DOK6: variants seen among roughly 807,000 people sequenced by gnomAD.
DOK6 encodes the protein docking protein 6.
Under a neutral mutation model 44.0 loss-of-function variants are expected in DOK6, and 22 were observed. That is an observed-to-expected ratio of 0.50 (90% CI 0.36 to 0.71). The LOEUF (loss-of-function observed/expected upper bound fraction) is 0.71, where lower values mean the gene tolerates loss of function less well. Ranked by LOEUF, DOK6 falls within the 30% of genes least tolerant of loss-of-function variation. The pLI is 0.00. For synonymous variants in DOK6, 166 were observed against 145.5 expected, an observed-to-expected ratio of 1.14 and a Z score of -1.01; for missense variants, 340 against 416.4, an observed-to-expected ratio of 0.82 and a Z score of 1.60.
Position 69,716,692 on chromosome 18 carries a change from C to CAAAA in DOK6, c.599+18117_599+18120dup, listed in dbSNP as rs11351701. On this transcript the variant is annotated intron_variant, in intron 5 of 7. Coordinates refer to ENST00000382713, the MANE Select transcript of DOK6 (RefSeq NM_152721.6). The stretch of plus-strand genomic sequence containing the variant: ...GATAACAGATTCTCTGCAGAATTGA[C>CAAAA]AAAAAAAAAAAAAAAAAAAAAGTCT... Among the ~76,000 whole-genome samples the CAAAA allele has an allele frequency of 7.7e-4, 81 of 104,728 alleles. 2 individuals are homozygous for CAAAA. Among genetic ancestry groups the CAAAA allele is most frequent in the African/African-American group, 1.0e-3 (29 of 27,724 alleles). 68.7% of individuals were successfully genotyped at this position (104,728 alleles called of 152,430 possible).
rs1395890740 is a variant in DOK6, at chr18:69,849,036, T to C, written c.*7653T>C. On this transcript the variant is annotated 3_prime_UTR_variant, in exon 8 of 8. Coordinates refer to ENST00000382713, the MANE Select transcript of DOK6 (RefSeq NM_152721.6). ...AAAATGTTACTTATTCCTTCACTTATTAGCTTGCTATTTTGAAAATAAAGT... is the reference window on the plus strand; with the variant it reads ...AAAATGTTACTTATTCCTTCACTTACTAGCTTGCTATTTTGAAAATAAAGT... 1 of 152,258 alleles carries C rather than the reference T, an allele frequency of 6.6e-6. No individual in the cohort carries two copies. The highest frequency in any genetic ancestry group is 6.5e-5 in the Admixed American group (1 of 15,282). 9.4% of individuals were successfully genotyped at this position (152,258 alleles called of 1,614,324 possible).
At chr18:69,812,220 G>T (rs563275465) in intron 7 of DOK6, among the ~76,000 whole-genome samples, 16 of 152,010 alleles carry the variant, frequency 1.1e-4, no homozygotes, top group Non-Finnish European at 1.9e-4. Flanking sequence ...CATGTTTGTT[G>T]TTCCAGAGTT....
intron 2 of DOK6, among the ~76,000 whole-genome samples, chr18:69,596,922 C>T (rs4624297): frequency 0.33 from 49,449 of 151,626 alleles, 8,558 homozygotes; most frequent in Middle Eastern, 0.51. Context: ...AAAGTTGTAT[C>T]GACTATGGAA....
At chr18:69,476,650 T>C (rs1980274073) in intron 1 of DOK6, among the ~76,000 whole-genome samples, 1 of 152,196 alleles carries the variant, frequency 6.6e-6, no homozygotes, top group South Asian at 2.1e-4. Flanking sequence ...GTGACCCTCA[T>C]TGGAGTTGAC....
chr18:69,571,486 C>T (rs1415364718), intron 2 of DOK6, among the ~76,000 whole-genome samples: 2 of 151,762 alleles, frequency 1.3e-5, no homozygotes, highest in Admixed American at 1.3e-4. Context: ...AGGCTGTCTA[C>T]AAAAGATGCA....
chr18:69,503,901 C>T (rs1599162572), intron 1 of DOK6, among the ~76,000 whole-genome samples: 1 of 151,984 alleles, frequency 6.6e-6, no homozygotes, highest in African/African-American at 2.4e-5. Context: ...TCGTAGGTCT[C>T]AAACATTGTT....
At chr18:69,625,708 A>G (rs554001829) in intron 3 of DOK6, among the ~76,000 whole-genome samples, 2 of 152,348 alleles carry the variant, frequency 1.3e-5, no homozygotes, top group East Asian at 1.9e-4. Flanking sequence ...TGTTCTTACT[A>G]TTTATTGTAT....
intron 3 of DOK6, among the ~76,000 whole-genome samples, chr18:69,653,915 A>G (rs1369059453): frequency 6.6e-6 from 1 of 152,226 alleles, no homozygotes; most frequent in East Asian, 1.9e-4. Flanking sequence ...GAGAAAAAAA[A>G]TGGTTAATAG....
rs938027431 is a variant in DOK6 at position 69,431,136 on chromosome 18, A to G, written c.66+29826A>G. ...GAGTTCTCACCAAACTAAGGAAAAG[A>G]GATAGTTATTGCAGCGTCTAGGGAG... On this transcript the variant is annotated intron_variant, in intron 1 of 7. Transcript: ENST00000382713. 3.9e-5 allele frequency among the ~76,000 whole-genome samples: 6 copies of G among 152,320 alleles called. No individual in the cohort carries two copies. In the East Asian group the frequency reaches 7.7e-4, roughly 20 times the overall value.
At chr18:69,794,217 C>G (rs1980679604) in intron 7 of DOK6, among the ~76,000 whole-genome samples, 1 of 152,090 alleles carries the variant, frequency 6.6e-6, no homozygotes, top group African/African-American at 2.4e-5. Flanking sequence ...CCAAGCATCC[C>G]CAGTACTGTT....
chr18:69,724,640 A>G (rs1317715147), intron 5 of DOK6, among the ~76,000 whole-genome samples: 3 of 152,234 alleles, frequency 2.0e-5, no homozygotes, highest in Non-Finnish European at 4.4e-5. Flanking sequence ...AAGAGATTCC[A>G]GTAAGCTCCT....
At chr18:69,424,988 T>C (rs1270372465) in intron 1 of DOK6, among the ~76,000 whole-genome samples, 1 of 152,148 alleles carries the variant, frequency 6.6e-6, no homozygotes, top group Non-Finnish European at 1.5e-5. Flanking sequence ...CAGTGCCACT[T>C]GTGTGTAAAG....
intron 5 of DOK6, among the ~76,000 whole-genome samples, chr18:69,723,709 A>C (rs982089507): frequency 1.3e-5 from 2 of 152,192 alleles, no homozygotes; most frequent in Non-Finnish European, 2.9e-5. Context: ...AGTATCTTTT[A>C]TTTCACAGTG....
At chr18:69,706,089 C>T (rs1367670519) in intron 5 of DOK6, among the ~76,000 whole-genome samples, 1 of 152,202 alleles carries the variant, frequency 6.6e-6, no homozygotes, top group African/African-American at 2.4e-5. Flanking sequence ...ACACATGCCT[C>T]ATCCTTGTAA....
chr18:69,607,379 CA>C (rs1984027663), intron 3 of DOK6, among the ~76,000 whole-genome samples: 1 of 151,878 alleles, frequency 6.6e-6, no homozygotes, highest in Non-Finnish European at 1.5e-5. Context: ...TAAAAATTAA[CA>C]AAAAGCTACA....
At chr18:69,594,905 G>A (rs571109439) in intron 2 of DOK6, among the ~76,000 whole-genome samples, 28 of 152,148 alleles carry the variant, frequency 1.8e-4, no homozygotes, top group Middle Eastern at 3.4e-3. Flanking sequence ...GATAAATTCA[G>A]TAAAGTTGCA....
chr18:69,443,620 C>T (rs1330434215), intron 1 of DOK6, among the ~76,000 whole-genome samples: 1 of 152,094 alleles, frequency 6.6e-6, no homozygotes, highest in Non-Finnish European at 1.5e-5. Context: ...GTCTAAACTC[C>T]TTAGTGTGAC....
chr18:69,435,234 A>G (rs769247594), intron 1 of DOK6, among the ~76,000 whole-genome samples: 4 of 152,090 alleles, frequency 2.6e-5, no homozygotes, highest in Non-Finnish European at 4.4e-5. Context: ...ATGAAATAGT[A>G]TTTGCACTTG....
intron 1 of DOK6, among the ~76,000 whole-genome samples, chr18:69,482,953 TG>T (rs1285169523): frequency 6.6e-6 from 1 of 151,816 alleles, no homozygotes; most frequent in Non-Finnish European, 1.5e-5. Context: ...ACTTGTGTCA[TG>T]GGGGTTTGCG....
Sources: allele counts gnomAD v4.1 joint callset (sites outside exome capture counted in the v4.1 genomes callset), GRCh38; gene constraint gnomAD v4.1.1; transcripts MANE v1.5; gene names NCBI Gene and HGNC (gene_info 2026-07-23, HGNC 2026-07-21).